The following OSGIN1 variants were observed in gnomAD, a reference collection of about 807,000 sequenced individuals.
The protein encoded by OSGIN1 is oxidative stress induced growth inhibitor 1, also known as oxidative stress-induced growth inhibitor 1.
OSGIN1 carries 19 observed loss-of-function variants against 20.1 expected under a neutral mutation model. That is an observed-to-expected ratio of 0.95 (90% CI 0.66 to 1.39). The LOEUF is 1.39. Among genes scored for constraint, OSGIN1 ranks in the 40% most tolerant of loss-of-function variants. The probability of loss-of-function intolerance (pLI) is 0.00; values close to 1 mark genes in which losing one functional copy is unlikely to be tolerated. For synonymous variants in OSGIN1, 368 were observed against 297.8 expected (o/e 1.24, Z -2.43); for missense variants, 820 against 653.0 (o/e 1.26, Z -2.79).
chr16:83,964,241 CTGCAGCGAGCTGAG>C (rs1478700840), intron 5 of OSGIN1, among the ~76,000 whole-genome samples: 2 of 152,070 alleles, frequency 1.3e-5, no homozygotes, highest in Non-Finnish European at 2.9e-5. Flanking sequence ...GAGGCAGGGG[CTGCAGCGAGCTGAG>C]ATCACACCAC....
At chr16:83,957,429 C>G (rs1908984130) in intron 1 of OSGIN1, among the ~76,000 whole-genome samples, 2 of 152,036 alleles carry the variant, frequency 1.3e-5, no homozygotes, top group Non-Finnish European at 2.9e-5. Context: ...AGGGCACATT[C>G]TGCATGACTG....
intron 5 of OSGIN1, among the ~76,000 whole-genome samples, chr16:83,961,603 A>G (rs1367703360): frequency 6.6e-6 from 1 of 152,170 alleles, no homozygotes; most frequent in Non-Finnish European, 1.5e-5. Flanking sequence ...CAGGGGCTTC[A>G]GAGTGCATCT....
Position 83,960,550 on chromosome 16 carries a change from G to C in OSGIN1, c.205-19G>C, listed in dbSNP as rs746597478. On this transcript the variant is annotated intron_variant, in intron 3 of 5. Coordinates refer to ENST00000393306, the MANE Select transcript of OSGIN1 (RefSeq NM_182981.3). The stretch of plus-strand genomic sequence containing the variant: ...CCCGCCCTCCTCCAGCAGCCCCTCT[G>C]ACCTATGCCCCCCTCCAGGACCTGG... 3 of 1,608,200 alleles carry C rather than the reference G, an allele frequency of 1.9e-6. No homozygotes were observed. Among genetic ancestry groups the C allele is most frequent in the Non-Finnish European group, 2.6e-6 (3 of 1,176,450 alleles).
chr16:83,956,110 C>T (rs1047929015), intron 1 of OSGIN1, among the ~76,000 whole-genome samples: 2 of 152,194 alleles, frequency 1.3e-5, no homozygotes, highest in African/African-American at 2.4e-5. Flanking sequence ...TTAGATGCAA[C>T]CTCCTTGCAA....
At chr16:83,956,454 T>A (rs1908934793) in intron 1 of OSGIN1, among the ~76,000 whole-genome samples, 1 of 152,116 alleles carries the variant, frequency 6.6e-6, no homozygotes, top group South Asian at 2.1e-4. Context: ...CCACTCTGGG[T>A]GGTCCAAGCC....
At chr16:83,962,408 A>G (rs147705679) in intron 5 of OSGIN1, among the ~76,000 whole-genome samples, 3 of 151,964 alleles carry the variant, frequency 2.0e-5, no homozygotes, top group African/African-American at 4.8e-5. Flanking sequence ...CCGGCTAATT[A>G]TTTTTTGTAT....
chr16:83,962,002 T>G (rs1471039722), intron 5 of OSGIN1, among the ~76,000 whole-genome samples: 1 of 151,132 alleles, frequency 6.6e-6, no homozygotes, highest in Non-Finnish European at 1.5e-5. Context: ...CAGGTGAGTT[T>G]CATCCTTAAC....
intron 2 of OSGIN1, 130 bp from the exon 3 acceptor site, chr16:83,959,130 C>G (rs1909078559): frequency 5.7e-6 from 4 of 700,478 alleles, no homozygotes; most frequent in Non-Finnish European, 1.0e-5. Context: ...AGGCTAAGGG[C>G]TTAATAAATA....
At chr16:83,958,967 A>G (rs1311350541) in intron 2 of OSGIN1, among the ~76,000 whole-genome samples, 1 of 152,162 alleles carries the variant, frequency 6.6e-6, no homozygotes, top group Non-Finnish European at 1.5e-5. Flanking sequence ...CATTTCCTCA[A>G]GTATAAAAGG....
chr16:83,957,852 G>GTTCATTT, intron 2 of OSGIN1, 114 bp downstream of exon 2: 1 of 409,210 alleles, frequency 2.4e-6, no homozygotes, highest in Admixed American at 4.6e-5. Flanking sequence ...CGTTTTTGGG[G>GTTCATTT]TTTATTTTTT....
chr16:83,959,416 G>T lies in OSGIN1; in HGVS notation c.204+20G>T, dbSNP rs757474761. ...GACCAGGTGGGTCAGCCTGGGGCCA[G>T]AGCTCTGGGTAGTACATACCCGCCC... On this transcript the variant is annotated intron_variant, in intron 3 of 5. Transcript: ENST00000393306. 3.7e-6 allele frequency: 6 copies of T among 1,612,620 alleles called. No individual in the cohort carries two copies. The highest frequency in any genetic ancestry group is 8.5e-7 in the Non-Finnish European group (1 of 1,179,420).
intron 3 of OSGIN1, among the ~76,000 whole-genome samples, 173 bp from the exon 4 acceptor site, chr16:83,960,396 A>G (rs73246926): frequency 0.047 from 7,122 of 152,212 alleles, 557 homozygotes; most frequent in African/African-American, 0.16. Context: ...GGCCTCCTAG[A>G]AAGACCTCAA....
At position 83,959,290 on chromosome 16, in the gene OSGIN1, A is replaced by G. The variant is rs150635654; in HGVS notation, c.98A>G (p.Tyr33Cys). 2.8e-3 allele frequency: 4,561 copies of G among 1,612,874 alleles called. 7 individuals are homozygous for G. The highest frequency in any genetic ancestry group is 3.3e-3 in the Non-Finnish European group (3,897 of 1,179,698). Residue 33 changes from tyrosine to cysteine, a missense_variant, in exon 3 of 6, where the codon TAC becomes TGC. Tyr to Cys is a radical substitution (Grantham distance 194). Coordinates refer to ENST00000393306, the MANE Select transcript of OSGIN1 (RefSeq NM_182981.3). ...GNGPSGICLS[Y>C]LLSGYTPYTK... Reference sequence around the variant, plus strand: ...GGCCCCTCTGGTATCTGCCTGTCCTACCTGCTCTCCGGCTACACACCCTAC... The same window carrying G: ...GGCCCCTCTGGTATCTGCCTGTCCTGCCTGCTCTCCGGCTACACACCCTAC...
chr16:83,963,606 G>T (rs1458485830), intron 5 of OSGIN1, among the ~76,000 whole-genome samples: 2 of 152,160 alleles, frequency 1.3e-5, no homozygotes, highest in African/African-American at 4.8e-5. Context: ...TACAAAAACT[G>T]AGAAAAGAAT....
In OSGIN1 at chr16:83,966,129, T is replaced by C; in HGVS notation, c.*122T>C. On this transcript the variant is annotated 3_prime_UTR_variant, in exon 6 of 6. Coordinates refer to ENST00000393306, the MANE Select transcript of OSGIN1 (RefSeq NM_182981.3). ...GGTGTCAGCCCACGTTGCTGGCCTT[T>C]GGGGTCAAGAGGAGTAGGGATCCCA... 2 of 809,004 alleles carry C rather than the reference T, an allele frequency of 2.5e-6. No homozygotes were observed. The highest frequency in any genetic ancestry group is 3.8e-6 in the Non-Finnish European group (2 of 528,764). 50.1% of individuals were successfully genotyped at this position (809,004 alleles called of 1,614,324 possible). A position where few individuals can be genotyped will look rare whatever the true frequency, so the allele number is the denominator to read the frequency against.
Position 83,965,244 on chromosome 16 carries a change from G to C in OSGIN1, c.671G>C (p.Gly224Ala). 1 of 1,612,146 alleles carries C rather than the reference G, an allele frequency of 6.2e-7. No individual in the cohort carries two copies. Among genetic ancestry groups the C allele is most frequent in the Non-Finnish European group, 8.5e-7 (1 of 1,179,522 alleles). Residue 224 changes from glycine (G) to alanine (A), a missense_variant, in exon 6 of 6, where the codon GGC becomes GCC. Transcript: ENST00000393306. ...QDSSPLFQVSGFLTRNQAQQP... is the reference protein window; with the variant it reads ...QDSSPLFQVSAFLTRNQAQQP... ...TCCAGCCCCCTCTTCCAGGTGAGCG[G>C]CTTCCTGACCAGGAACCAGGCCCAG...
chr16:83,958,479 C>T (rs2665302), intron 2 of OSGIN1, among the ~76,000 whole-genome samples: 102,526 of 152,148 alleles, frequency 0.67, 34,889 homozygotes, highest in East Asian at 0.85. Flanking sequence ...CAGATGACCC[C>T]CCAGTATGCA....
At chr16:83,957,773 C>T (rs1192028449) in intron 2 of OSGIN1, 35 bp downstream of exon 2, 1 of 1,298,454 alleles carries the variant, frequency 7.7e-7, no homozygotes, top group South Asian at 1.3e-5. Context: ...AGGGGCTCCG[C>T]TGAGCCTTCC....
chr16:83,957,893 T>TTATC (rs900393320), intron 2 of OSGIN1, among the ~76,000 whole-genome samples, 155 bp downstream of exon 2: 1 of 150,672 alleles, frequency 6.6e-6, no homozygotes, highest in African/African-American at 2.4e-5. Flanking sequence ...ATTTATTTAT[T>TTATC]TGAGACAAAG....
Sources: gnomAD v4.1 joint callset for allele counts (sites outside exome capture counted in the v4.1 genomes callset) on GRCh38, gnomAD v4.1.1 for gene constraint, MANE v1.5 for transcripts, NCBI Gene and HGNC (gene_info 2026-07-23, HGNC 2026-07-21) for gene names.